Variants in ZCCHC2 observed in about 807,000 individuals in gnomAD.
The protein encoded by ZCCHC2 is zinc finger CCHC domain-containing protein 2.
In ZCCHC2, 39 loss-of-function variants were observed where a neutral mutation model predicts 103.6. The ratio of observed to expected loss-of-function variants is 0.38; its 90% CI spans 0.29 to 0.49. ZCCHC2 has a LOEUF of 0.49. Among genes scored for constraint, ZCCHC2 ranks in the 20% least tolerant of loss-of-function variants. The pLI is 0.96. For missense variants in ZCCHC2, 1,483 were observed against 1,491.0 expected (o/e 0.99, Z 0.09); for synonymous variants, 687 against 608.9 (o/e 1.13, Z -1.89).
exon 15 of ZCCHC2, chr18:62,586,555 G>T (rs1052316): frequency 6.6e-6 from 1 of 151,724 alleles, no homozygotes; most frequent in Non-Finnish European, 1.5e-5. Flanking sequence ...TGAATTAGGC[G>T]TAGCTCTTGG....
intron 3 of ZCCHC2, among the ~76,000 whole-genome samples, chr18:62,543,411 C>T (rs770415137): frequency 3.3e-5 from 5 of 152,204 alleles, no homozygotes; most frequent in Non-Finnish European, 7.3e-5. Context: ...ACCACTTGCT[C>T]GTTGAATGAA....
intron 12 of ZCCHC2, among the ~76,000 whole-genome samples, chr18:62,571,319 C>G (rs1445989970): frequency 6.6e-6 from 1 of 152,124 alleles, no homozygotes; most frequent in Non-Finnish European, 1.5e-5. Context: ...ATGGTGTTTG[C>G]ACTGATTTCA....
intron 1 of ZCCHC2, among the ~76,000 whole-genome samples, chr18:62,529,621 T>C (rs1914595954): frequency 6.6e-6 from 1 of 152,250 alleles, no homozygotes; most frequent in Non-Finnish European, 1.5e-5. Context: ...GTGATTATTT[T>C]AGTAGGAAAT....
Position 62,531,602 on chromosome 18 carries a change from G to A in ZCCHC2, c.939+7239G>A, listed in dbSNP as rs185787655. On this transcript the variant is annotated intron_variant, in intron 1 of 13. Coordinates refer to ENST00000269499, the MANE Select transcript of ZCCHC2 (RefSeq NM_017742.6). ...CTTGGTAAACAAGAAGGAGATATAT[G>A]TATTATTCATAGAGCGATTAGCACA... Among the ~76,000 whole-genome samples the A allele has an allele frequency of 2.0e-3, 301 of 152,168 alleles. 2 individuals carry two copies. The highest frequency in any genetic ancestry group is 3.4e-3 in the Non-Finnish European group (233 of 68,010).
chr18:62,567,512 C>T (rs776021105), intron 11 of ZCCHC2, among the ~76,000 whole-genome samples: 6 of 152,216 alleles, frequency 3.9e-5, no homozygotes, highest in Non-Finnish European at 8.8e-5. Flanking sequence ...CCCAGCCCTC[C>T]TCTGTGCTGG....
chr18:62,561,909 T>C (rs1324768698), intron 8 of ZCCHC2, among the ~76,000 whole-genome samples: 1 of 152,256 alleles, frequency 6.6e-6, no homozygotes, highest in African/African-American at 2.4e-5. Flanking sequence ...TCTTCAAATA[T>C]TTCTTCTCCG....
intron 8 of ZCCHC2, among the ~76,000 whole-genome samples, chr18:62,562,154 G>C (rs981978111): frequency 1.3e-5 from 2 of 151,880 alleles, no homozygotes; most frequent in African/African-American, 4.8e-5. Context: ...CCGCCACCAT[G>C]CCTGGCTAAT....
chr18:62,564,714 A>AT, intron 10 of ZCCHC2, 79 bp downstream of exon 10: 6 of 1,085,048 alleles, frequency 5.5e-6, no homozygotes, highest in South Asian at 5.4e-5. Flanking sequence ...ACAACATAGT[A>AT]TTTTTTTAGT....
At chr18:62,548,730 C>G (rs1267745175) in intron 4 of ZCCHC2, among the ~76,000 whole-genome samples, 3 of 151,232 alleles carry the variant, frequency 2.0e-5, no homozygotes, top group African/African-American at 7.3e-5. Flanking sequence ...CGAGACCAAC[C>G]TAACCAACAT....
At chr18:62,537,745 T>C (rs1230546927) in intron 1 of ZCCHC2, among the ~76,000 whole-genome samples, 1 of 152,260 alleles carries the variant, frequency 6.6e-6, no homozygotes, top group Non-Finnish European at 1.5e-5. Flanking sequence ...AACACTGATG[T>C]ACAGATTATG....
rs200850001 is a variant in ZCCHC2 at position 62,574,033 on chromosome 18, T to C, written c.1976-24T>C. On this transcript the variant is annotated intron_variant, in intron 12 of 13. Transcript: ENST00000269499. ...GATGGGAGTTATGCCCGTGTTAATA[T>C]CTCTTTATGTTTGTTTTCTTTAGAC... is the stretch of plus-strand genomic sequence containing the variant. 1.3e-5 allele frequency: 20 copies of C among 1,593,378 alleles called. No individual in the cohort carries two copies. The East Asian group carries it at 4.0e-4, about 32-fold the overall frequency.
In ZCCHC2 at chr18:62,524,247, C is replaced by T. The variant is rs563733578; in HGVS notation, c.823C>T (p.His275Tyr). Reference sequence around the variant, plus strand: ...CTCGCTGCACCCGGCTTTCTCCTTCCACCAGCGGGTCACCCTGAGGGAACA... The same window carrying T: ...CTCGCTGCACCCGGCTTTCTCCTTCTACCAGCGGGTCACCCTGAGGGAACA... ...MASLHPAFSF[H>Y]QRVTLREHLE... is the part of the protein sequence containing the mutation. Residue 275 changes from histidine to tyrosine, a missense_variant, in exon 1 of 14, where the codon CAC becomes TAC. By Grantham distance (83) the His-to-Tyr change is moderately conservative. Transcript: ENST00000269499. 8.4e-6 allele frequency: 13 copies of T among 1,550,196 alleles called. No individual in the cohort carries two copies. The African/African-American group carries it at 1.5e-4, about 18-fold the overall frequency.
chr18:62,544,655 TTA>T, intron 3 of ZCCHC2, 145 bp from the exon 4 acceptor site: 1 of 624,782 alleles, frequency 1.6e-6, no homozygotes, highest in Non-Finnish European at 2.6e-6. Context: ...AATTTTGAAA[TTA>T]TGACAATGCC....
downstream of ZCCHC2, among the ~76,000 whole-genome samples, chr18:62,582,645 C>G (rs1328563635): frequency 6.6e-6 from 1 of 152,214 alleles, no homozygotes; most frequent in East Asian, 1.9e-4. Flanking sequence ...CACCACTGCA[C>G]TACAGCCTGG....
chr18:62,544,566 G>A (rs904378948), intron 3 of ZCCHC2, among the ~76,000 whole-genome samples: 1 of 152,080 alleles, frequency 6.6e-6, no homozygotes, highest in Non-Finnish European at 1.5e-5. Context: ...TTTTCAGATA[G>A]GTTTTAAAAA....
chr18:62,539,930 A>G (rs1209508827), intron 2 of ZCCHC2, 138 bp downstream of exon 2: 1 of 685,988 alleles, frequency 1.5e-6, no homozygotes, highest in Non-Finnish European at 2.4e-6. Context: ...TTCACTCAAG[A>G]GCCAGTCCTC....
At chr18:62,530,424 A>G (rs910271927) in intron 1 of ZCCHC2, among the ~76,000 whole-genome samples, 2 of 152,234 alleles carry the variant, frequency 1.3e-5, no homozygotes, top group Non-Finnish European at 2.9e-5. Context: ...AATAATTCAC[A>G]TACTGTCTTG....
chr18:62,553,600 T>C (rs1203867275), intron 5 of ZCCHC2, among the ~76,000 whole-genome samples: 1 of 152,194 alleles, frequency 6.6e-6, no homozygotes, highest in East Asian at 1.9e-4. Flanking sequence ...ATGGAAATAA[T>C]GTAATTGGTC....
chr18:62,573,772 G>A (rs867900602), intron 12 of ZCCHC2, among the ~76,000 whole-genome samples: 7 of 152,178 alleles, frequency 4.6e-5, no homozygotes, highest in African/African-American at 1.7e-4. Context: ...TACAAAGATG[G>A]TGTTACATAA....
Sources: gnomAD v4.1 joint callset for allele counts (sites outside exome capture counted in the v4.1 genomes callset) on GRCh38, gnomAD v4.1.1 for gene constraint, MANE v1.5 for transcripts, NCBI Gene and HGNC (gene_info 2026-07-23, HGNC 2026-07-21) for gene names.